NCAM1: variants seen among roughly 807,000 people sequenced by gnomAD.
NCAM1 encodes antigen recognized by monoclonal antibody 5.1H11.
In NCAM1, 14 loss-of-function variants were observed where a neutral mutation model predicts 109.8. The ratio of observed to expected loss-of-function variants is 0.13; its 90% CI spans 0.08 to 0.20. The LOEUF is 0.20. Among genes scored for constraint, NCAM1 ranks in the 10% least tolerant of loss-of-function variants. NCAM1 has a pLI of 1.00. For synonymous variants in NCAM1, 418 were observed against 442.9 expected (o/e 0.94, Z 0.70); for missense variants, 774 against 1,109.9 (o/e 0.70, Z 4.30).
At chr11:113,005,690 C>T (rs1247256698) in intron 1 of NCAM1, among the ~76,000 whole-genome samples, 2 of 152,160 alleles carry the variant, frequency 1.3e-5, no homozygotes, top group Admixed American at 1.3e-4. Context: ...GACCTGGCAA[C>T]CTATCTGCTC....
At chr11:113,230,336 A>C (rs1555116973) in intron 9 of NCAM1, among the ~76,000 whole-genome samples, 1 of 152,200 alleles carries the variant, frequency 6.6e-6, no homozygotes, top group Non-Finnish European at 1.5e-5. Flanking sequence ...CACTTGCAGA[A>C]ATGGGCAGCC....
intron 1 of NCAM1, among the ~76,000 whole-genome samples, chr11:113,188,265 A>T (rs1943573101): frequency 1.3e-5 from 2 of 152,210 alleles, no homozygotes; most frequent in South Asian, 4.1e-4. Flanking sequence ...TCGTCTGTGG[A>T]TGAAAGCCTG....
intron 14 of NCAM1, chr11:113,236,393 G>T: frequency 6.5e-7 from 1 of 1,528,866 alleles, no homozygotes; most frequent in Non-Finnish European, 9.1e-7. Context: ...TTTAGTTCTG[G>T]TCCCTTTTTT....
intron 1 of NCAM1, among the ~76,000 whole-genome samples, chr11:113,073,643 G>A (rs1352980875): frequency 2.6e-5 from 4 of 152,012 alleles, no homozygotes; most frequent in African/African-American, 9.7e-5. Flanking sequence ...AATATCCTGA[G>A]GCCATATGGA....
chr11:113,141,857 G>T (rs1163375487), intron 1 of NCAM1, among the ~76,000 whole-genome samples: 1 of 151,982 alleles, frequency 6.6e-6, no homozygotes, highest in Admixed American at 6.6e-5. Flanking sequence ...CTCACTTTTA[G>T]GTGTTCATTC....
chr11:112,961,814 T>A (rs930330640), intron 1 of NCAM1, 150 bp downstream of exon 1: 20 of 643,370 alleles, frequency 3.1e-5, no homozygotes, highest in Non-Finnish European at 4.9e-5. Context: ...GCGTCGCCCT[T>A]GCTGCCCAGC....
At chr11:113,053,767 T>A (rs1391074115) in intron 1 of NCAM1, among the ~76,000 whole-genome samples, 2 of 152,226 alleles carry the variant, frequency 1.3e-5, no homozygotes, top group Admixed American at 6.5e-5. Flanking sequence ...ATGATATTAC[T>A]TACTCTTGCC....
Position 112,962,379 on chromosome 11 carries a change from T to C in NCAM1, c.52+715T>C, listed in dbSNP as rs1338521826. ...GATGGGAGGGTCGAGCGCCGCGTTT[T>C]GACAGGAGGAAGTGCGGAGGGGCGG... On this transcript the variant is annotated intron_variant, in intron 1 of 19. Coordinates refer to ENST00000316851, the MANE Select transcript of NCAM1 (RefSeq NM_181351.5). The surrounding 1 kb of genome is among the most constrained non-coding windows in gnomAD (Gnocchi z 5.6). 2.0e-5 allele frequency among the ~76,000 whole-genome samples: 3 copies of C among 152,012 alleles called. No homozygotes were observed. The highest frequency in any genetic ancestry group is 4.8e-5 in the African/African-American group (2 of 41,416).
intron 1 of NCAM1, among the ~76,000 whole-genome samples, chr11:113,078,263 T>C (rs1938620805): frequency 6.6e-6 from 1 of 152,196 alleles, no homozygotes; most frequent in Non-Finnish European, 1.5e-5. Context: ...TCACATGGCC[T>C]CTGTGTCTCA....
At chr11:113,224,039 A>G (rs1200096974) in intron 9 of NCAM1, among the ~76,000 whole-genome samples, 4 of 152,162 alleles carry the variant, frequency 2.6e-5, no homozygotes, top group Non-Finnish European at 4.4e-5. Flanking sequence ...TGCATTTCCA[A>G]CTGAGGTACC....
chr11:112,998,256 T>A (rs1478837120), intron 1 of NCAM1, among the ~76,000 whole-genome samples: 1 of 152,190 alleles, frequency 6.6e-6, no homozygotes, highest in Non-Finnish European at 1.5e-5. Context: ...CAGAGTAATT[T>A]CTACTGAACT....
chr11:112,968,744 G>A (rs1219092741), intron 1 of NCAM1, among the ~76,000 whole-genome samples: 2 of 152,198 alleles, frequency 1.3e-5, no homozygotes, highest in East Asian at 3.8e-4. Flanking sequence ...GGGGGATTGG[G>A]TGGTTGGGGA....
intron 1 of NCAM1, among the ~76,000 whole-genome samples, chr11:113,064,610 A>G (rs2135513092): frequency 6.6e-6 from 1 of 152,246 alleles, no homozygotes; most frequent in East Asian, 1.9e-4. Context: ...AGTCCTTTGC[A>G]GTTCGTATCA....
At chr11:113,238,897 T>G (rs189526136) in intron 14 of NCAM1, among the ~76,000 whole-genome samples, 8 of 152,334 alleles carry the variant, frequency 5.3e-5, no homozygotes, top group African/African-American at 1.9e-4. Flanking sequence ...CAGGCAGGTG[T>G]TGCTGCCGGA....
chr11:113,072,763 C>G (rs1325028434), intron 1 of NCAM1, among the ~76,000 whole-genome samples: 2 of 146,750 alleles, frequency 1.4e-5, no homozygotes, highest in African/African-American at 5.0e-5. Context: ...CTATAGTAAA[C>G]TTTCTTACAT....
chr11:113,061,103 T>G (rs1937623130), intron 1 of NCAM1, among the ~76,000 whole-genome samples: 1 of 152,192 alleles, frequency 6.6e-6, no homozygotes, highest in Admixed American at 6.5e-5. Context: ...ACCATTCTAC[T>G]CTCAGCTTCT....
chr11:113,204,431 C>T lies in NCAM1; in HGVS notation c.273C>T (p.Ala91=), dbSNP rs1555112479. 8 of 1,613,934 alleles carry T rather than the reference C, an allele frequency of 5.0e-6. No homozygotes were observed. Among genetic ancestry groups the T allele is most frequent in the South Asian group, 2.2e-5 (2 of 91,074 alleles). Residue 91 remains alanine (A), a synonymous_variant, in exon 3 of 20, where the codon GCC becomes GCT. Transcript: ENST00000316851. ...LTIYNANIDD[A]GIYKCVVTGE... is the part of the protein sequence containing the mutation. ...TCTATAACGCCAACATCGACGACGC[C>T]GGCATTTACAAGTGTGTGGTTACAG...
At chr11:112,975,187 C>T (rs1169545772) in intron 1 of NCAM1, among the ~76,000 whole-genome samples, 2 of 151,960 alleles carry the variant, frequency 1.3e-5, no homozygotes, top group African/African-American at 4.8e-5. Context: ...CCAAGGTGGC[C>T]TGAGATTCCA....
At chr11:113,187,541 CTGTG>C (rs112338209) in intron 1 of NCAM1, among the ~76,000 whole-genome samples, 14 of 142,310 alleles carry the variant, frequency 9.8e-5, no homozygotes, top group South Asian at 2.4e-4. Context: ...CACTGAGGAT[CTGTG>C]TGTGTGTGTG....
Sources: allele counts gnomAD v4.1 joint callset (sites outside exome capture counted in the v4.1 genomes callset), GRCh38; gene constraint gnomAD v4.1.1; non-coding constraint Gnocchi (gnomAD v3.1); transcripts MANE v1.5; gene names NCBI Gene and HGNC (gene_info 2026-07-23, HGNC 2026-07-21).